CLVS1: variants seen among roughly 807,000 people sequenced by gnomAD.
CLVS1 encodes clavesin 1.
Under a neutral mutation model 33.1 loss-of-function variants are expected in CLVS1, and 10 were observed. That is an observed-to-expected ratio of 0.30 (90% CI 0.19 to 0.51). The LOEUF is 0.51. Among genes scored for constraint, CLVS1 ranks in the 20% least tolerant of loss-of-function variants. The probability of loss-of-function intolerance (pLI) is 0.97; values close to 1 mark genes in which losing one functional copy is unlikely to be tolerated. For missense variants in CLVS1, 343 were observed against 433.4 expected (o/e 0.79, Z 1.85); for synonymous variants, 163 against 166.1 (o/e 0.98, Z 0.14).
At chr8:60,983,088 G>A in the CLVS1 span, among the ~76,000 whole-genome samples, 1 of 152,096 alleles carries the variant, frequency 6.6e-6, no homozygotes, top group Non-Finnish European at 1.5e-5. Flanking sequence ...TCTTCCCTGA[G>A]GGCTTGAAAA....
At chr8:61,200,934 C>T (rs893936867) in intron 2 of CLVS1, among the ~76,000 whole-genome samples, 1 of 151,958 alleles carries the variant, frequency 6.6e-6, no homozygotes, top group African/African-American at 2.4e-5. Flanking sequence ...TGGCCATGTA[C>T]CATATGATTT....
chr8:61,032,705 C>G, the CLVS1 span, among the ~76,000 whole-genome samples: 1 of 152,124 alleles, frequency 6.6e-6, no homozygotes. Context: ...TATGGGAAAC[C>G]ACAGAGGAAG....
At chr8:61,397,306 T>C (rs113444972) in intron 3 of CLVS1, among the ~76,000 whole-genome samples, 3,143 of 152,256 alleles carry the variant, frequency 0.021, 89 homozygotes, top group African/African-American at 0.071. Context: ...ACTAATGATA[T>C]TGAAGATGTT....
At chr8:61,198,355 A>C (rs1212711735) in intron 2 of CLVS1, among the ~76,000 whole-genome samples, 1 of 152,144 alleles carries the variant, frequency 6.6e-6, no homozygotes, top group Non-Finnish European at 1.5e-5. Flanking sequence ...CTGTCACCTG[A>C]ATAGTATACA....
intron 3 of CLVS1, among the ~76,000 whole-genome samples, chr8:61,389,356 G>A (rs750688281): frequency 5.3e-5 from 8 of 152,030 alleles, no homozygotes; most frequent in Non-Finnish European, 1.0e-4. Context: ...TGGCTAACAC[G>A]GTGAAACCTA....
intron 1 of CLVS1, among the ~76,000 whole-genome samples, chr8:61,292,736 CTTTG>C (rs913252444): frequency 4.6e-5 from 7 of 152,100 alleles, no homozygotes; most frequent in African/African-American, 1.7e-4. Context: ...TATATATTAA[CTTTG>C]TTTAAGATAC....
intron 2 of CLVS1, among the ~76,000 whole-genome samples, chr8:61,185,831 A>G (rs1807334220): frequency 6.6e-6 from 1 of 152,206 alleles, no homozygotes; most frequent in Non-Finnish European, 1.5e-5. Context: ...AAAAACACCT[A>G]GCTTCCAGAA....
At chr8:61,252,755 T>A (rs1265186479) in intron 2 of CLVS1, among the ~76,000 whole-genome samples, 9 of 152,216 alleles carry the variant, frequency 5.9e-5, no homozygotes, top group Non-Finnish European at 1.3e-4. Context: ...CTTTTTCTTT[T>A]GCTTTCCATT....
At position 61,206,838 on chromosome 8, in the gene CLVS1, C is replaced by T. The variant is rs1030382145; in HGVS notation, c.-152+74978C>T. 3.9e-5 allele frequency among the ~76,000 whole-genome samples: 6 copies of T among 152,182 alleles called. No homozygotes were observed. The South Asian group carries it at 6.2e-4, about 16-fold the overall frequency. On this transcript the variant is annotated intron_variant, in intron 2 of 2. Transcript: ENST00000522621. ...TCCTGACCTTGTGATCCACCCGCCT[C>T]GGCCTCCCAAAGTGCTGGGATTACA...
chr8:60,984,011 C>T, the CLVS1 span, among the ~76,000 whole-genome samples: 1 of 152,196 alleles, frequency 6.6e-6, no homozygotes, highest in Non-Finnish European at 1.5e-5. Context: ...GCTTGACCTG[C>T]ATTCCAGCCA....
intron 3 of CLVS1, among the ~76,000 whole-genome samples, chr8:61,428,870 C>A (rs910064734): frequency 3.3e-5 from 5 of 152,160 alleles, no homozygotes. Flanking sequence ...ATAAAAGAAC[C>A]CCACAATTAA....
chr8:61,478,684 A>T (rs1818059068), intron 5 of CLVS1, among the ~76,000 whole-genome samples: 1 of 152,108 alleles, frequency 6.6e-6, no homozygotes, highest in South Asian at 2.1e-4. Flanking sequence ...ATCTTCCTCC[A>T]GCCCTTTATT....
chr8:60,979,800 C>A, the CLVS1 span, among the ~76,000 whole-genome samples: 3 of 152,170 alleles, frequency 2.0e-5, no homozygotes, highest in South Asian at 6.2e-4. Context: ...ACACTGTCAG[C>A]CTGCCTGGGT....
chr8:61,342,210 C>G lies in CLVS1; in HGVS notation c.456-34395C>G, dbSNP rs142764725. ...TCAGCCTCACCCTGACTCCATTCAG[C>G]CTCCTTTAGAGGATGAGAAACATCT... On this transcript the variant is annotated intron_variant, in intron 2 of 5. Coordinates refer to ENST00000325897, the MANE Select transcript of CLVS1 (RefSeq NM_173519.3). Among the ~76,000 whole-genome samples the G allele has an allele frequency of 5.9e-5, 9 of 152,282 alleles. No individual in the cohort carries two copies. The East Asian group carries it at 1.7e-3, about 29-fold the overall frequency.
intron 2 of CLVS1, among the ~76,000 whole-genome samples, chr8:61,223,113 G>A (rs1808255180): frequency 6.6e-6 from 1 of 151,940 alleles, no homozygotes; most frequent in South Asian, 2.1e-4. Flanking sequence ...CACACTGATA[G>A]GTCTTGACTC....
At chr8:61,201,378 T>A (rs1345619836) in intron 2 of CLVS1, among the ~76,000 whole-genome samples, 5 of 152,154 alleles carry the variant, frequency 3.3e-5, no homozygotes, top group Admixed American at 3.3e-4. Context: ...TTCCCGAAGC[T>A]TCTGAGCAAG....
chr8:61,158,976 G>A, intron 2 of CLVS1, among the ~76,000 whole-genome samples: 1 of 152,148 alleles, frequency 6.6e-6, no homozygotes, highest in East Asian at 1.9e-4. Context: ...ACAGGCATGG[G>A]CCACCATGCT....
chr8:61,263,512 T>C (rs1809248312), intron 2 of CLVS1, among the ~76,000 whole-genome samples: 1 of 152,228 alleles, frequency 6.6e-6, no homozygotes, highest in Non-Finnish European at 1.5e-5. Flanking sequence ...TCGTCGGCTC[T>C]TATTTATAAT....
rs111601068 is a variant in CLVS1 at position 61,381,383 on chromosome 8, T to C, written c.630+4604T>C. The stretch of plus-strand genomic sequence containing the variant: ...AACTGCAAATCACCTATCTCCCTAG[T>C]GTCCTTTATTTATTTAATTATTTTT... On this transcript the variant is annotated intron_variant, in intron 3 of 5. Transcript: ENST00000325897. Among the ~76,000 whole-genome samples the C allele has an allele frequency of 4.9e-3, 746 of 152,250 alleles. 8 individuals are homozygous for C. The highest frequency in any genetic ancestry group is 0.017 in the African/African-American group (705 of 41,536).
Sources: gnomAD v4.1 joint callset for allele counts (sites outside exome capture counted in the v4.1 genomes callset) on GRCh38, gnomAD v4.1.1 for gene constraint, MANE v1.5 for transcripts, NCBI Gene and HGNC (gene_info 2026-07-23, HGNC 2026-07-21) for gene names.